Variants in RUNX1 observed in about 807,000 individuals in gnomAD.
RUNX1 encodes runt-related transcription factor 1.
A neutral mutation model predicts 42.8 loss-of-function variants in RUNX1; 19 were observed. That is an observed-to-expected ratio of 0.44 (90% CI 0.31 to 0.65). RUNX1 has a LOEUF of 0.65. RUNX1 is among the 30% of genes least tolerant of loss of function. The probability of loss-of-function intolerance (pLI) is 0.07; values close to 1 mark genes in which losing one functional copy is unlikely to be tolerated. For missense variants in RUNX1, 528 were observed against 672.0 expected (o/e 0.79, Z 2.37); for synonymous variants, 271 against 289.4 (o/e 0.94, Z 0.64).
chr21:34,936,495 A>G (rs2058486571), intron 2 of RUNX1, among the ~76,000 whole-genome samples: 1 of 152,224 alleles, frequency 6.6e-6, no homozygotes, highest in South Asian at 2.1e-4. Flanking sequence ...ACGAATTTAA[A>G]TGGAAACAGG....
At position 34,930,559 on chromosome 21, in the gene RUNX1, G is replaced by A. The variant is rs188630403; in HGVS notation, c.59-37596C>T. On this transcript the variant is annotated intron_variant, in intron 2 of 8. Coordinates refer to ENST00000675419, the MANE Select transcript of RUNX1 (RefSeq NM_001754.5). Reference sequence around the variant, plus strand: ...CAATGGGCACATGTGGCTAGTGGCCGCCATATTAGGCAGTGTAAAATTATG... The same window carrying A: ...CAATGGGCACATGTGGCTAGTGGCCACCATATTAGGCAGTGTAAAATTATG... Among the ~76,000 whole-genome samples the A allele has an allele frequency of 1.4e-3, 219 of 151,888 alleles. 6 individuals carry two copies. The highest frequency in any genetic ancestry group is 0.014 in the Admixed American group (207 of 15,232).
Position 34,881,643 on chromosome 21 carries a change from G to A in RUNX1, c.352-930C>T, listed in dbSNP as rs532693709. On this transcript the variant is annotated intron_variant, in intron 4 of 8. Transcript: ENST00000675419. ...TGCTAGCCCAGCTGATCTTGACCAG[G>A]AATTTATTTAATGTAACTGAGTAAG... is the stretch of plus-strand genomic sequence containing the variant. Among the ~76,000 whole-genome samples the A allele has an allele frequency of 1.1e-4, 16 of 152,276 alleles. No individual in the cohort carries two copies. The East Asian group carries it at 2.9e-3, about 28-fold the overall frequency.
In RUNX1 at chr21:34,827,839, C is replaced by T. The variant is rs1862262621; in HGVS notation, c.805+6571G>A. On this transcript the variant is annotated intron_variant, in intron 7 of 8. Coordinates refer to ENST00000675419, the MANE Select transcript of RUNX1 (RefSeq NM_001754.5). Reference sequence around the variant, plus strand: ...ACATGCTGTGGAAGCATGGCTTCCTCCACCTAGATTACGAAGGATGCCACA... The same window carrying T: ...ACATGCTGTGGAAGCATGGCTTCCTTCACCTAGATTACGAAGGATGCCACA... 5.3e-5 allele frequency among the ~76,000 whole-genome samples: 8 copies of T among 152,210 alleles called. No individual in the cohort carries two copies. The South Asian group carries it at 1.7e-3, about 32-fold the overall frequency.
In RUNX1 at chr21:35,016,085, A is replaced by C. The variant is rs1020319651; in HGVS notation, c.58+32757T>G. Among the ~76,000 whole-genome samples the C allele has an allele frequency of 3.3e-5, 5 of 152,326 alleles. No individual in the cohort carries two copies. In the East Asian group the frequency reaches 5.8e-4, roughly 18 times the overall value. On this transcript the variant is annotated intron_variant, in intron 2 of 8. Coordinates refer to ENST00000675419, the MANE Select transcript of RUNX1 (RefSeq NM_001754.5). ...CTAATAACAGCTTTGGAAAACGCTG[A>C]AGAGTCCATCAATGGGAAAGAGACC...
chr21:34,842,492 C>CAAAA (rs371971118), intron 6 of RUNX1, among the ~76,000 whole-genome samples: 22 of 52,154 alleles, frequency 4.2e-4, no homozygotes, highest in African/African-American at 7.0e-4. Flanking sequence ...GAGACCTCTC[C>CAAAA]AAAAAAAAAA....
At chr21:34,889,877 TCCCGGGGCCTCTCATCCAC>T in intron 3 of RUNX1, 3 of 1,068,946 alleles carry the variant, frequency 2.8e-6, no homozygotes, top group Non-Finnish European at 3.4e-6. Context: ...GCCCTGCACC[TCCCGGGGCCTCTCATCCAC>T]CCCGGGGCTG....
chr21:34,995,584 G>A (rs2058988633), intron 2 of RUNX1, among the ~76,000 whole-genome samples: 1 of 151,958 alleles, frequency 6.6e-6, no homozygotes, highest in South Asian at 2.1e-4. Flanking sequence ...GTGACTACAG[G>A]TGTGCGCTAC....
intron 2 of RUNX1, among the ~76,000 whole-genome samples, chr21:34,894,506 G>T (rs1369449641): frequency 6.6e-6 from 1 of 152,116 alleles, no homozygotes; most frequent in Non-Finnish European, 1.5e-5. Flanking sequence ...AAGGGGTAGG[G>T]GGTGAGCAAC....
At chr21:34,885,751 C>CT (rs1020924291) in intron 4 of RUNX1, among the ~76,000 whole-genome samples, 14 of 151,810 alleles carry the variant, frequency 9.2e-5, no homozygotes, top group Non-Finnish European at 1.6e-4. Flanking sequence ...ATTATTTAAA[C>CT]TTTTTTTTTA....
Position 34,880,244 on chromosome 21 carries a change from T to C in RUNX1, c.508+313A>G, listed in dbSNP as rs2298350. Among the ~76,000 whole-genome samples, 14 of 152,368 alleles carry C rather than the reference T, an allele frequency of 9.2e-5. No individual in the cohort carries two copies. The East Asian group carries it at 2.7e-3, about 29-fold the overall frequency. ...AATCCTCATTGTAATTGTATAATCCTAGTTTCATTAAAGTCAGTTTTATAT... is the reference window on the plus strand; with the variant it reads ...AATCCTCATTGTAATTGTATAATCCCAGTTTCATTAAAGTCAGTTTTATAT... On this transcript the variant is annotated intron_variant, in intron 5 of 8. Transcript: ENST00000675419.
chr21:34,878,950 T>C lies in RUNX1; in HGVS notation c.508+1607A>G, dbSNP rs151276592. Among the ~76,000 whole-genome samples, 70 of 152,312 alleles carry C rather than the reference T, an allele frequency of 4.6e-4. No homozygotes were observed. The South Asian group carries it at 7.5e-3, about 16-fold the overall frequency. ...TAACTTGAAGACCCACACAGATGCA[T>C]AGTATGATGATAACACTTTCTCTAG... is the stretch of plus-strand genomic sequence containing the variant. On this transcript the variant is annotated intron_variant, in intron 5 of 8. Coordinates refer to ENST00000675419, the MANE Select transcript of RUNX1 (RefSeq NM_001754.5).
At chr21:34,916,152 G>A (rs2058310360) in intron 2 of RUNX1, among the ~76,000 whole-genome samples, 1 of 152,182 alleles carries the variant, frequency 6.6e-6, no homozygotes, top group South Asian at 2.1e-4. Flanking sequence ...ACAAGTGAAA[G>A]GCAACGCCAG....
intron 7 of RUNX1, among the ~76,000 whole-genome samples, chr21:34,809,179 C>T (rs186906146): frequency 6.6e-6 from 1 of 152,244 alleles, no homozygotes; most frequent in East Asian, 1.9e-4. Flanking sequence ...AACACCAGCA[C>T]ATCATGGATG....
At chr21:34,846,671 C>T (rs900584254) in intron 6 of RUNX1, among the ~76,000 whole-genome samples, 2 of 152,204 alleles carry the variant, frequency 1.3e-5, no homozygotes, top group Non-Finnish European at 2.9e-5. Context: ...GCCACTCCCT[C>T]GCCCAGGGCT....
chr21:34,937,297 A>C (rs1425647851), intron 2 of RUNX1, among the ~76,000 whole-genome samples: 1 of 132,932 alleles, frequency 7.5e-6, no homozygotes, highest in Non-Finnish European at 1.5e-5. Context: ...GGAACATGCC[A>C]TTGTAACATT....
intron 2 of RUNX1, among the ~76,000 whole-genome samples, chr21:34,951,615 CAT>C (rs1384413427): frequency 2.6e-5 from 4 of 152,214 alleles, no homozygotes; most frequent in African/African-American, 9.6e-5. Context: ...AGCCAACAGA[CAT>C]ATGAAAAAAT....
At chr21:34,808,473 G>A (rs2056713705) in intron 7 of RUNX1, among the ~76,000 whole-genome samples, 1 of 152,142 alleles carries the variant, frequency 6.6e-6, no homozygotes, top group Admixed American at 6.5e-5. Context: ...GTGGCTTTGT[G>A]GTCAGGGCCC....
intron 2 of RUNX1, among the ~76,000 whole-genome samples, chr21:35,046,284 G>A (rs1239052784): frequency 6.6e-6 from 1 of 152,172 alleles, no homozygotes; most frequent in Non-Finnish European, 1.5e-5. Context: ...TCAAGGAAGG[G>A]AACAATGGTT....
intron 2 of RUNX1, among the ~76,000 whole-genome samples, chr21:35,008,046 G>T (rs997364900): frequency 6.6e-6 from 1 of 152,118 alleles, no homozygotes; most frequent in African/African-American, 2.4e-5. Flanking sequence ...AACACATGCT[G>T]TACCTTTTTA....
Sources: allele counts gnomAD v4.1 joint callset (sites outside exome capture counted in the v4.1 genomes callset), GRCh38; gene constraint gnomAD v4.1.1; transcripts MANE v1.5; gene names NCBI Gene and HGNC (gene_info 2026-07-23, HGNC 2026-07-21).